The following ACAP3 variants were observed in gnomAD, a reference collection of about 807,000 sequenced individuals.
ACAP3 encodes arf-GAP with coiled-coil, ANK repeat and PH domain-containing protein 3.
In ACAP3, 56 loss-of-function variants were observed where a neutral mutation model predicts 104.1. That is an observed-to-expected ratio of 0.54 (90% confidence interval 0.43 to 0.67). ACAP3 has a LOEUF of 0.67. Ranked by LOEUF, ACAP3 falls within the 30% of genes least tolerant of loss-of-function variation. The pLI, the probability that ACAP3 is intolerant of heterozygous loss-of-function variation, is 0.00. For missense variants in ACAP3, 1,208 were observed against 1,174.9 expected (o/e 1.03, Z -0.41); for synonymous variants, 628 against 496.2 (o/e 1.27, Z -3.53).
rs1017868000 is a variant in ACAP3 at position 1,302,157 on chromosome 1, C to T, written c.280-111G>A. 6.6e-5 allele frequency: 65 copies of T among 989,344 alleles called. 1 individual carries two copies. The highest frequency in any genetic ancestry group is 1.3e-4 in the South Asian group (5 of 37,634). The allele number at this position is 989,344 out of a possible 1,614,324, so 61.3% of individuals were successfully genotyped here. A position where few individuals can be genotyped will look rare whatever the true frequency, so the allele number is the denominator to read the frequency against. On this transcript the variant is annotated intron_variant, in intron 4 of 23. Coordinates refer to ENST00000354700, the MANE Select transcript of ACAP3 (RefSeq NM_030649.3). ...CTGCCCCCAGGCCCAGATGCAGGGG[C>T]GGGTCCCACCCTGCAGGGCTGGCCT...
rs1258240375 is a variant in ACAP3, at chr1:1,295,497, T to C, written c.1763A>G (p.Asp588Gly). The part of the protein sequence containing the change: ...RDSLFCPDEL[D>G]SLFSYFDAGA... ...TGCGTCGAAGTAGGAGAAGAGCGAG[T>C]CCAGCTCGTCGGGACAGAAGAGGGA... The change falls in exon 19 of 24, where the codon GAC (aspartate) becomes GGC (glycine). Residue 588 changes from aspartate (D) to glycine (G), a missense_variant. Asp to Gly is a moderately conservative substitution (Grantham distance 94). Transcript: ENST00000354700. 2 of 1,612,250 alleles carry C rather than the reference T, an allele frequency of 1.2e-6. No homozygotes were observed. The highest frequency in any genetic ancestry group is 2.2e-5 in the South Asian group (2 of 91,050).
rs1641749321 is a variant in ACAP3, at chr1:1,307,022, G to A, written c.47+747C>T. 3 of 517,738 alleles carry A rather than the reference G, an allele frequency of 5.8e-6. No homozygotes were observed. In the East Asian group the frequency reaches 2.1e-4, roughly 35 times the overall value. The allele number at this position is 517,738 out of a possible 1,614,324, so 32.1% of individuals were successfully genotyped here. On this transcript the variant is annotated intron_variant, in intron 1 of 23. Transcript: ENST00000354700. ...GCAGAGGGGCAAAGTTCACAAGAGCGCACCCCGCACGAGCTCGTGCAGAGG... is the reference window on the plus strand; with the variant it reads ...GCAGAGGGGCAAAGTTCACAAGAGCACACCCCGCACGAGCTCGTGCAGAGG...
Position 1,300,632 on chromosome 1 carries a change from C to G in ACAP3, c.399G>C (p.Glu133Asp), listed in dbSNP as rs1246768133. ...KQFDKVREDL[E>D]LSLVRNAQAP... is the part of the protein sequence containing the mutation. The stretch of plus-strand genomic sequence containing the variant: ...CCTGGGCGTTCCTCACCAGGGACAG[C>G]TCCAGGTCCTCCCGCACCTTGTCAA... Residue 133 changes from glutamate (E) to aspartate (D), a missense_variant, in exon 6 of 24, where the codon GAG (glutamate) becomes GAC (aspartate). Glu to Asp is a conservative substitution (Grantham distance 45). Transcript: ENST00000354700. The G allele has an allele frequency of 1.9e-6, 3 of 1,609,556 alleles. No homozygotes were observed. Among genetic ancestry groups the G allele is most frequent in the East Asian group, 2.2e-5 (1 of 44,760 alleles).
intron 4 of ACAP3, 123 bp from the exon 5 acceptor site, chr1:1,302,169 T>C: frequency 1.1e-6 from 1 of 869,640 alleles, no homozygotes; most frequent in Non-Finnish European, 1.6e-6. Context: ...GGTCCCACCC[T>C]GCAGGGCTGG....
At position 1,295,770 on chromosome 1, in the gene ACAP3, C is replaced by T. The variant is rs375512888; in HGVS notation, c.1671G>A (p.Glu557=). Residue 557 remains glutamate, a synonymous_variant, in exon 18 of 24, where the codon GAG becomes GAA. Coordinates refer to ENST00000354700, the MANE Select transcript of ACAP3 (RefSeq NM_030649.3). ...GAGCGGCCACACAGGGCAGAACGGG[C>T]TCAAGCCGGACCTTGCGGCGGGCAG... The part of the protein sequence containing the change: ...APTARRKVRL[E]PVLPCVAALS... 1.9e-6 allele frequency: 3 copies of T among 1,607,328 alleles called. No individual in the cohort carries two copies. The highest frequency in any genetic ancestry group is 2.5e-6 in the Non-Finnish European group (3 of 1,179,418).
chr1:1,298,449 C>G (rs1482515472), intron 11 of ACAP3, 28 bp from the exon 12 acceptor site: 1 of 1,593,276 alleles, frequency 6.3e-7, no homozygotes, highest in Admixed American at 1.7e-5. Context: ...TGTGGGGAGT[C>G]AGGCGGGGCC....
intron 23 of ACAP3, 32 bp from the exon 24 acceptor site, chr1:1,293,740 C>CCCTGGAGGCCCCGCCCCTGT: frequency 6.9e-7 from 1 of 1,453,596 alleles, no homozygotes; most frequent in Non-Finnish European, 9.0e-7. Context: ...GACGCCCCTG[C>CCCTGGAGGCCCCGCCCCTGT]CCTGGAGGCC....
chr1:1,300,467 C>A (rs1345197154), intron 6 of ACAP3, 42 bp downstream of exon 6: 6 of 1,571,304 alleles, frequency 3.8e-6, no homozygotes, highest in Non-Finnish European at 5.2e-6. Context: ...CCTCCATTCG[C>A]TACAGCTGGT....
chr1:1,296,734 G>A, intron 14 of ACAP3, 101 bp from the exon 15 acceptor site: 1 of 1,281,480 alleles, frequency 7.8e-7, no homozygotes, highest in Non-Finnish European at 1.1e-6. Flanking sequence ...GCAGGCCAGG[G>A]CCCCTCGAGC....
chr1:1,307,368 T>C (rs1205710604), intron 1 of ACAP3: 1 of 1,290,076 alleles, frequency 7.8e-7, no homozygotes, highest in Non-Finnish European at 1.0e-6. Context: ...CAGCTGCCTG[T>C]TCCCCACGCG....
rs746691582 is a variant in ACAP3 at position 1,295,766 on chromosome 1, C to T, written c.1675G>A (p.Val559Ile). 4 of 1,607,174 alleles carry T rather than the reference C, an allele frequency of 2.5e-6. No homozygotes were observed. Among genetic ancestry groups the T allele is most frequent in the Admixed American group, 1.7e-5 (1 of 59,922 alleles). Residue 559 changes from valine (V) to isoleucine (I), a missense_variant, in exon 18 of 24, where the codon GTT becomes ATT. By Grantham distance (29) the Val-to-Ile change is conservative (BLOSUM62 3). Coordinates refer to ENST00000354700, the MANE Select transcript of ACAP3 (RefSeq NM_030649.3). ...GACAGAGCGGCCACACAGGGCAGAA[C>T]GGGCTCAAGCCGGACCTTGCGGCGG... is the stretch of plus-strand genomic sequence containing the variant. Reference protein sequence around the residue: ...TARRKVRLEPVLPCVAALSSV... With the variant: ...TARRKVRLEPILPCVAALSSV...
At chr1:1,295,221 G>A (rs377634006) in intron 19 of ACAP3, among the ~76,000 whole-genome samples, 116 of 152,180 alleles carry the variant, frequency 7.6e-4, no homozygotes, top group African/African-American at 2.7e-3. Context: ...CAGCACCCCG[G>A]GCCACCCGCT....
chr1:1,300,241 G>A, intron 6 of ACAP3, 39 bp from the exon 7 acceptor site: 2 of 1,569,362 alleles, frequency 1.3e-6, no homozygotes, highest in Non-Finnish European at 1.7e-6. Context: ...CCCGGAGGCT[G>A]AGGCAGCCCC....
In ACAP3 at chr1:1,295,867, G is replaced by A. The variant is rs754011921; in HGVS notation, c.1574C>T (p.Pro525Leu). 3 of 1,611,846 alleles carry A rather than the reference G, an allele frequency of 1.9e-6. No individual in the cohort carries two copies. The highest frequency in any genetic ancestry group is 3.3e-5 in the Admixed American group (2 of 60,022). Residue 525 changes from proline (P) to leucine (L), a missense_variant, in exon 18 of 24, where the codon CCA becomes CTA. Physicochemically the swap from Pro to Leu is moderately conservative, Grantham distance 98. Transcript: ENST00000354700. ...CCAGCGTCTTGGGGCCTCCAGGGCT[G>A]GTGCCATGGGCGCCTTCCGCAGAAA... ...KKFLRKAPMAPALEAPRRWRV... is the reference protein window; with the variant it reads ...KKFLRKAPMALALEAPRRWRV...
chr1:1,299,068 G>A, intron 10 of ACAP3: 1 of 573,772 alleles, frequency 1.7e-6, no homozygotes, highest in Non-Finnish European at 3.1e-6. Context: ...TGAGGGCCCT[G>A]TGTGTCCCGC....
Position 1,298,374 on chromosome 1 carries a change from A to G in ACAP3, c.911T>C (p.Leu304Pro). 2 of 1,604,452 alleles carry G rather than the reference A, an allele frequency of 1.2e-6. No homozygotes were observed. Among genetic ancestry groups the G allele is most frequent in the African/African-American group, 1.3e-5 (1 of 74,658 alleles). The change falls in exon 12 of 24, where the codon CTC (leucine) becomes CCC (proline). Residue 304 changes from leucine to proline, a missense_variant. Physicochemically the swap from Leu to Pro is moderately conservative, Grantham distance 98. Coordinates refer to ENST00000354700, the MANE Select transcript of ACAP3 (RefSeq NM_030649.3). Reference sequence around the variant, plus strand: ...AGCCCCAGGCCCAGGGCACACCTTGAGCTTCTTCTGGTAGACCAGCTGGCT... The same window carrying G: ...AGCCCCAGGCCCAGGGCACACCTTGGGCTTCTTCTGGTAGACCAGCTGGCT... Reference protein sequence around the residue: ...QNSQLVYQKKLKDALTVVVDD... With the variant: ...QNSQLVYQKKPKDALTVVVDD...
Position 1,303,091 on chromosome 1 carries a change from C to G in ACAP3, c.225+71G>C. 6.4e-7 allele frequency: 1 copy of G among 1,555,576 alleles called. No homozygotes were observed. The highest frequency in any genetic ancestry group is 8.7e-7 in the Non-Finnish European group (1 of 1,149,466). On this transcript the variant is annotated intron_variant, in intron 3 of 23. Coordinates refer to ENST00000354700, the MANE Select transcript of ACAP3 (RefSeq NM_030649.3). The surrounding 1 kb of genome is among the most constrained non-coding windows in gnomAD (Gnocchi z 4.0). ...ACCGGCCTGCTTCTGGCCTGGACGC[C>G]CTCAAGGGGCTGCCTCCCTCGGCCT...
At chr1:1,302,461 G>A (rs1641485415) in intron 4 of ACAP3, among the ~76,000 whole-genome samples, 1 of 152,292 alleles carries the variant, frequency 6.6e-6, no homozygotes, top group Admixed American at 6.5e-5. Flanking sequence ...AGTAGAGAAG[G>A]ACCGGGCACA....
Position 1,297,944 on chromosome 1 carries a change from TGGAGGGGCGGGCGTCAGCTCC to T in ACAP3, c.1017-32_1017-12del. ...TGCAGCATGCAGCTCCTGCAGGCAG[TGGAGGGGCGGGCGTCAGCTCC>T]GGTGGGCAGGTACGCCCCCCGCCCC... is the stretch of plus-strand genomic sequence containing the variant. On this transcript the variant is annotated splice_polypyrimidine_tract_variant and intron_variant, in intron 13 of 23. Coordinates refer to ENST00000354700, the MANE Select transcript of ACAP3 (RefSeq NM_030649.3). The T allele has an allele frequency of 6.2e-7, 1 of 1,611,434 alleles. No individual in the cohort carries two copies. The highest frequency in any genetic ancestry group is 8.5e-7 in the Non-Finnish European group (1 of 1,179,220).
Sources: allele counts gnomAD v4.1 joint callset (sites outside exome capture counted in the v4.1 genomes callset), GRCh38; gene constraint gnomAD v4.1.1; non-coding constraint Gnocchi (gnomAD v3.1); transcripts MANE v1.5; gene names NCBI Gene and HGNC (gene_info 2026-07-23, HGNC 2026-07-21).